Variants in OTUD7A observed in about 807,000 individuals in gnomAD.
The protein encoded by OTUD7A is OTU domain-containing protein 7A.
Under a neutral mutation model 65.7 loss-of-function variants are expected in OTUD7A, and 12 were observed. The observed-to-expected ratio is 0.18, with a 90% CI of 0.12 to 0.30. The LOEUF is 0.30. OTUD7A is among the 10% of genes least tolerant of loss of function. The probability of loss-of-function intolerance (pLI) is 1.00; values close to 1 mark genes in which losing one functional copy is unlikely to be tolerated. For synonymous variants in OTUD7A, 641 were observed against 586.3 expected, an observed-to-expected ratio of 1.09 and a Z score of -1.35; for missense variants, 1,148 against 1,304.8, an observed-to-expected ratio of 0.88 and a Z score of 1.85.
At chr15:31,785,801 C>G (rs1416438887) in intron 1 of OTUD7A, among the ~76,000 whole-genome samples, 1 of 152,192 alleles carries the variant, frequency 6.6e-6, no homozygotes, top group Non-Finnish European at 1.5e-5. Context: ...CCTCAGTTTC[C>G]TCATCCACAA....
At chr15:31,761,936 A>C (rs533177626) in intron 1 of OTUD7A, among the ~76,000 whole-genome samples, 29 of 152,324 alleles carry the variant, frequency 1.9e-4, no homozygotes, top group African/African-American at 6.5e-4. Flanking sequence ...CATTTGTATA[A>C]AATGCCCTGA....
chr15:31,753,706 ATATATATATATATAT>A (rs1210220255), intron 1 of OTUD7A, among the ~76,000 whole-genome samples: 70 of 70,760 alleles, frequency 9.9e-4, no homozygotes, highest in African/African-American at 4.1e-3. Context: ...TATATATTAT[ATATATATATATATAT>A]TATATATATA....
chr15:31,531,070 T>C (rs1887604572), intron 5 of OTUD7A, among the ~76,000 whole-genome samples: 1 of 152,222 alleles, frequency 6.6e-6, no homozygotes, highest in Non-Finnish European at 1.5e-5. Flanking sequence ...TCTGGAAACG[T>C]ATTTTACACA....
chr15:31,870,311 G>A (rs1324712592), intron 1 of OTUD7A, among the ~76,000 whole-genome samples, 196 bp downstream of exon 1: 4 of 147,072 alleles, frequency 2.7e-5, no homozygotes, highest in Admixed American at 2.7e-4. Flanking sequence ...AGACGCGCCG[G>A]CGAGCCCAGC....
At chr15:31,671,380 T>C (rs532394614) in intron 1 of OTUD7A, among the ~76,000 whole-genome samples, 30 of 152,318 alleles carry the variant, frequency 2.0e-4, no homozygotes, top group Admixed American at 6.5e-4. Flanking sequence ...TGCAGATGTG[T>C]GGTCTTATTT....
intron 1 of OTUD7A, among the ~76,000 whole-genome samples, chr15:31,865,197 G>C (rs1897847168): frequency 6.6e-6 from 1 of 152,226 alleles, no homozygotes; most frequent in South Asian, 2.1e-4. Context: ...AAAAGAAAAA[G>C]TTAACTATGT....
At chr15:31,692,696 T>C (rs1892983252) in intron 1 of OTUD7A, among the ~76,000 whole-genome samples, 1 of 149,518 alleles carries the variant, frequency 6.7e-6, no homozygotes, top group African/African-American at 2.4e-5. Flanking sequence ...ATTTTTTCCC[T>C]CAGGAATTTT....
At chr15:31,651,612 C>CAT (rs1891840363) in intron 3 of OTUD7A, among the ~76,000 whole-genome samples, 1 of 132,646 alleles carries the variant, frequency 7.5e-6, no homozygotes, top group African/African-American at 3.2e-5. Flanking sequence ...CACACACACA[C>CAT]ACACACAGCC....
chr15:31,836,886 T>C (rs982129952), intron 1 of OTUD7A, among the ~76,000 whole-genome samples: 1 of 152,214 alleles, frequency 6.6e-6, no homozygotes, highest in African/African-American at 2.4e-5. Flanking sequence ...TATATCATAA[T>C]GAATGCACAA....
At position 31,869,404 on chromosome 15, in the gene OTUD7A, A is replaced by G. The variant is rs563655724; in HGVS notation, c.-100+1103T>C. Among the ~76,000 whole-genome samples the G allele has an allele frequency of 5.3e-5, 8 of 152,324 alleles. No individual in the cohort carries two copies. The East Asian group carries it at 1.4e-3, about 26-fold the overall frequency. ...GGACACCTGCAGATTTTCCTGAAGC[A>G]ATTAAGACCTGTAAAGATTTAGGCC... On this transcript the variant is annotated intron_variant, in intron 1 of 12. Coordinates refer to ENST00000307050, the MANE Select transcript of OTUD7A (RefSeq NM_001382637.1).
intron 3 of OTUD7A, among the ~76,000 whole-genome samples, chr15:31,609,816 A>C (rs1271464762): frequency 2.0e-5 from 3 of 151,916 alleles, no homozygotes; most frequent in Non-Finnish European, 2.9e-5. Flanking sequence ...CACAGAGTCC[A>C]TTTCACCCCC....
Position 31,482,148 on chromosome 15 carries a change from A to G in OTUD7A, c.*1146T>C, listed in dbSNP as rs745999935. 3 of 152,164 alleles carry G rather than the reference A, an allele frequency of 2.0e-5. No homozygotes were observed. The highest frequency in any genetic ancestry group is 2.9e-5 in the Non-Finnish European group (2 of 68,016). The allele number at this position is 152,164 out of a possible 1,614,324, so 9.4% of individuals were successfully genotyped here. A position where few individuals can be genotyped will look rare whatever the true frequency, so the allele number is the denominator to read the frequency against. On this transcript the variant is annotated 3_prime_UTR_variant, in exon 13 of 13. Coordinates refer to ENST00000307050, the MANE Select transcript of OTUD7A (RefSeq NM_001382637.1). ...CTCAAGAAATGTAGGAGGCACCAAA[A>G]AAGAGACCGCTCAGGGATCGGGCTG...
chr15:31,734,039 C>T (rs1255801876), intron 1 of OTUD7A, among the ~76,000 whole-genome samples: 1 of 151,968 alleles, frequency 6.6e-6, no homozygotes, highest in Non-Finnish European at 1.5e-5. Flanking sequence ...TACTGCATTT[C>T]GGGGAATTGG....
intron 5 of OTUD7A, among the ~76,000 whole-genome samples, chr15:31,551,421 A>G (rs1888320713): frequency 6.6e-6 from 1 of 152,220 alleles, no homozygotes; most frequent in Non-Finnish European, 1.5e-5. Context: ...GGCATTGTGA[A>G]TAGCTTGAAA....
chr15:31,730,357 T>C (rs1448264306), intron 1 of OTUD7A, among the ~76,000 whole-genome samples: 1 of 152,236 alleles, frequency 6.6e-6, no homozygotes, highest in Non-Finnish European at 1.5e-5. Context: ...GAGATTTTAC[T>C]TTGTTTCCCC....
At chr15:31,686,369 C>T (rs138973796) in intron 1 of OTUD7A, among the ~76,000 whole-genome samples, 9,022 of 152,316 alleles carry the variant, frequency 0.059, 908 homozygotes, top group African/African-American at 0.21. Context: ...TCCAAGTGGA[C>T]AGACATTCTG....
chr15:31,796,761 G>A (rs1160717368), intron 1 of OTUD7A, among the ~76,000 whole-genome samples: 1 of 152,188 alleles, frequency 6.6e-6, no homozygotes, highest in Non-Finnish European at 1.5e-5. Flanking sequence ...TTGAGACAGA[G>A]TCTTGCTCTG....
intron 1 of OTUD7A, among the ~76,000 whole-genome samples, chr15:31,866,912 C>A (rs1156653959): frequency 2.6e-5 from 4 of 152,204 alleles, no homozygotes; most frequent in African/African-American, 9.7e-5. Context: ...TAAAGAAATG[C>A]CCAGTCATAG....
rs536784748 is a variant in OTUD7A, at chr15:31,585,775, G to A, written c.152-15578C>T. Among the ~76,000 whole-genome samples the A allele has an allele frequency of 2.2e-4, 33 of 152,230 alleles. No individual in the cohort carries two copies. In the South Asian group the frequency reaches 6.7e-3, roughly 31 times the overall value. Reference sequence around the variant, plus strand: ...ATACATAAAGATGTATATGTACATAGGTGTCTACAGACCACTATTTGAGCT... The same window carrying A: ...ATACATAAAGATGTATATGTACATAAGTGTCTACAGACCACTATTTGAGCT... On this transcript the variant is annotated intron_variant, in intron 3 of 12. Coordinates refer to ENST00000307050, the MANE Select transcript of OTUD7A (RefSeq NM_001382637.1).
Sources: allele counts gnomAD v4.1 joint callset (sites outside exome capture counted in the v4.1 genomes callset), GRCh38; gene constraint gnomAD v4.1.1; transcripts MANE v1.5; gene names NCBI Gene and HGNC (gene_info 2026-07-23, HGNC 2026-07-21).